The following ZDHHC14 variants were observed in gnomAD, a reference collection of about 807,000 sequenced individuals.
ZDHHC14 encodes zDHHC palmitoyltransferase 14.
ZDHHC14 carries 16 observed loss-of-function variants against 47.7 expected under a neutral mutation model. That is an observed-to-expected ratio of 0.34 (90% CI 0.23 to 0.51). The LOEUF (loss-of-function observed/expected upper bound fraction) is 0.51. Ranked by LOEUF, ZDHHC14 falls within the 20% of genes least tolerant of loss-of-function variation. ZDHHC14 has a pLI of 0.97. For missense variants in ZDHHC14, 515 were observed against 662.5 expected, an observed-to-expected ratio of 0.78 and a Z score of 2.44; for synonymous variants, 293 against 278.9, an observed-to-expected ratio of 1.05 and a Z score of -0.50.
intron 1 of ZDHHC14, among the ~76,000 whole-genome samples, chr6:157,390,595 C>G (rs1377173335): frequency 6.6e-6 from 1 of 151,724 alleles, no homozygotes; most frequent in Non-Finnish European, 1.5e-5. Context: ...CTTTTCTTTT[C>G]CTCTTTGTGT....
At chr6:157,658,141 T>C (rs1285700464) in intron 8 of ZDHHC14, among the ~76,000 whole-genome samples, 1 of 152,124 alleles carries the variant, frequency 6.6e-6, no homozygotes, top group Non-Finnish European at 1.5e-5. Flanking sequence ...CTGTACCCTC[T>C]TGGAGCAACC....
At chr6:157,492,200 G>GCCCCGC (rs1554261201) in intron 1 of ZDHHC14, among the ~76,000 whole-genome samples, 2 of 81,136 alleles carry the variant, frequency 2.5e-5, no homozygotes, top group Non-Finnish European at 5.0e-5. Context: ...TCCCCCCTCC[G>GCCCCGC]CCCCCGCCCC....
intron 3 of ZDHHC14, among the ~76,000 whole-genome samples, chr6:157,624,254 G>A (rs955749950): frequency 5.3e-4 from 80 of 152,276 alleles, no homozygotes; most frequent in African/African-American, 1.8e-3. Context: ...TTTAGCTTCC[G>A]CTCCTCTGAG....
At chr6:157,604,743 C>T (rs1312288243) in intron 3 of ZDHHC14, among the ~76,000 whole-genome samples, 2 of 152,138 alleles carry the variant, frequency 1.3e-5, no homozygotes, top group African/African-American at 2.4e-5. Flanking sequence ...GGTGTTTCAC[C>T]ATATTGGTCA....
At chr6:157,433,933 C>T (rs1227923538) in intron 1 of ZDHHC14, among the ~76,000 whole-genome samples, 1 of 152,146 alleles carries the variant, frequency 6.6e-6, no homozygotes, top group African/African-American at 2.4e-5. Context: ...ACAAGAGAGC[C>T]ACCCTCCACA....
chr6:157,535,904 A>G (rs1235879250), intron 1 of ZDHHC14, among the ~76,000 whole-genome samples: 1 of 152,222 alleles, frequency 6.6e-6, no homozygotes, highest in East Asian at 1.9e-4. Context: ...ACAAATCACA[A>G]AATGAATGGT....
At chr6:157,432,380 G>A (rs1050429420) in intron 1 of ZDHHC14, among the ~76,000 whole-genome samples, 18 of 152,120 alleles carry the variant, frequency 1.2e-4, no homozygotes, top group South Asian at 6.2e-4. Context: ...CAGTGCAGTC[G>A]GAGGCTGTGG....
At chr6:157,669,531 G>A (rs751783181) in intron 8 of ZDHHC14, among the ~76,000 whole-genome samples, 52 of 152,166 alleles carry the variant, frequency 3.4e-4, no homozygotes, top group South Asian at 6.2e-4. Context: ...CTCCACCCTC[G>A]AACATATTTT....
chr6:157,462,031 A>AG (rs1283520347), intron 1 of ZDHHC14, among the ~76,000 whole-genome samples: 1 of 152,198 alleles, frequency 6.6e-6, no homozygotes, highest in Non-Finnish European at 1.5e-5. Flanking sequence ...GTGGCACCAG[A>AG]GGGGGCTCTG....
At chr6:157,418,217 T>G (rs770132893) in intron 1 of ZDHHC14, among the ~76,000 whole-genome samples, 50 of 152,084 alleles carry the variant, frequency 3.3e-4, no homozygotes, top group Non-Finnish European at 7.1e-4. Flanking sequence ...CTCAAACCCA[T>G]CAGAGGTCAG....
intron 1 of ZDHHC14, among the ~76,000 whole-genome samples, chr6:157,385,042 A>T (rs1777284301): frequency 6.6e-6 from 1 of 152,214 alleles, no homozygotes. Context: ...TTGGCCTCCC[A>T]AAGTGCTGGG....
intron 3 of ZDHHC14, among the ~76,000 whole-genome samples, chr6:157,611,478 C>T (rs1382872196): frequency 6.6e-6 from 1 of 152,090 alleles, no homozygotes; most frequent in Non-Finnish European, 1.5e-5. Context: ...CATCCCTGGC[C>T]AATAGGAAAG....
intron 1 of ZDHHC14, among the ~76,000 whole-genome samples, chr6:157,494,572 G>A (rs942959399): frequency 4.6e-5 from 7 of 152,176 alleles, no homozygotes; most frequent in African/African-American, 1.7e-4. Context: ...GCAAGATGCC[G>A]AGGACTGTGA....
intron 1 of ZDHHC14, among the ~76,000 whole-genome samples, chr6:157,478,202 C>CT (rs1554260181): frequency 6.6e-6 from 1 of 151,952 alleles, no homozygotes; most frequent in South Asian, 2.1e-4. Context: ...GTCTTCAGTA[C>CT]TCTCTACTTT....
intron 1 of ZDHHC14, among the ~76,000 whole-genome samples, chr6:157,385,994 CAGTAT>C (rs1399755362): frequency 6.6e-6 from 1 of 152,104 alleles, no homozygotes; most frequent in African/African-American, 2.4e-5. Context: ...GCACAGTATA[CAGTAT>C]AGTATATACA....
At chr6:157,650,908 C>T (rs1380129380) in intron 7 of ZDHHC14, among the ~76,000 whole-genome samples, 1 of 152,160 alleles carries the variant, frequency 6.6e-6, no homozygotes, top group Non-Finnish European at 1.5e-5. Flanking sequence ...CTTTTGGTCC[C>T]CCACCAATGC....
At chr6:157,595,174 ATTTTTTTTTTTTTTTTTTTT>A (rs777568494) in intron 3 of ZDHHC14, among the ~76,000 whole-genome samples, 5 of 62,710 alleles carry the variant, frequency 8.0e-5, no homozygotes, top group East Asian at 5.2e-4. Flanking sequence ...TCTAGGCTAG[ATTTTTTTTTTTTTTTTTTTT>A]TTTTTTTTTT....
chr6:157,571,750 A>C (rs1344077880), intron 2 of ZDHHC14, among the ~76,000 whole-genome samples: 1 of 151,378 alleles, frequency 6.6e-6, no homozygotes, highest in East Asian at 1.9e-4. Context: ...CCTGCAGATA[A>C]GAATCTTCAG....
In ZDHHC14 at chr6:157,601,741, A is replaced by G. The variant is rs569278183; in HGVS notation, c.565+8595A>G. 3.9e-5 allele frequency among the ~76,000 whole-genome samples: 6 copies of G among 152,298 alleles called. 1 individual carries two copies. In the South Asian group the frequency reaches 1.2e-3, roughly 32 times the overall value. On this transcript the variant is annotated intron_variant, in intron 3 of 8. Coordinates refer to ENST00000359775, the MANE Select transcript of ZDHHC14 (RefSeq NM_024630.3). The stretch of plus-strand genomic sequence containing the variant: ...CCTGTGAAGTCCAAAGATGAGTTAC[A>G]GAAAGTGACTTCAGGGCCCATGCAC...
Sources: allele counts gnomAD v4.1 joint callset (sites outside exome capture counted in the v4.1 genomes callset), GRCh38; gene constraint gnomAD v4.1.1; transcripts MANE v1.5; gene names NCBI Gene and HGNC (gene_info 2026-07-23, HGNC 2026-07-21).